ROBO1: variants seen among roughly 807,000 people sequenced by gnomAD.
ROBO1 encodes the protein roundabout guidance receptor 1.
A neutral mutation model predicts 195.9 loss-of-function variants in ROBO1; 149 were observed. The observed-to-expected ratio is 0.76, with a 90% confidence interval of 0.67 to 0.87. The LOEUF is 0.87. ROBO1 is among the 40% of genes least tolerant of loss of function. ROBO1 has a pLI of 0.00. For synonymous variants in ROBO1, 816 were observed against 733.2 expected (o/e 1.11, Z -1.82); for missense variants, 1,933 against 2,068.3 (o/e 0.93, Z 1.27).
At chr3:78,681,104 G>C (rs1275023667) in intron 10 of ROBO1, among the ~76,000 whole-genome samples, 5 of 151,406 alleles carry the variant, frequency 3.3e-5, no homozygotes, top group African/African-American at 4.9e-5. Context: ...AACACCGCAT[G>C]TTCTCACTCA....
At chr3:79,748,463 A>T (rs1703969759) in intron 1 of ROBO1, among the ~76,000 whole-genome samples, 1 of 152,206 alleles carries the variant, frequency 6.6e-6, no homozygotes, top group African/African-American at 2.4e-5. Flanking sequence ...CTCCATACAC[A>T]TTTAAATTAT....
chr3:78,917,244 C>A (rs2038664462), intron 4 of ROBO1, among the ~76,000 whole-genome samples: 1 of 151,556 alleles, frequency 6.6e-6, no homozygotes, highest in Admixed American at 6.6e-5. Context: ...TTATAGGTGC[C>A]CGCCACCACA....
Position 79,322,312 on chromosome 3 carries a change from A to G in ROBO1, c.89-196773T>C, listed in dbSNP as rs567734191. ...TTTCAGATTTAGATGGAGAGTCAAC[A>G]TATGCCATAATTGGAAACCAACAAG... is the stretch of plus-strand genomic sequence containing the variant. On this transcript the variant is annotated intron_variant, in intron 2 of 30. Coordinates refer to ENST00000464233, the MANE Select transcript of ROBO1 (RefSeq NM_002941.4). Among the ~76,000 whole-genome samples the G allele has an allele frequency of 1.2e-3, 177 of 152,344 alleles. No homozygotes were observed. In the Middle Eastern group the frequency reaches 0.014, roughly 12 times the overall value.
intron 2 of ROBO1, among the ~76,000 whole-genome samples, chr3:79,344,589 G>C (rs1178151506): frequency 6.6e-6 from 1 of 152,176 alleles, no homozygotes; most frequent in Admixed American, 6.5e-5. Flanking sequence ...GGGATTACTA[G>C]TGTATAATAT....
intron 1 of ROBO1, among the ~76,000 whole-genome samples, chr3:79,713,020 G>A (rs1362237039): frequency 6.6e-6 from 1 of 151,938 alleles, no homozygotes; most frequent in Non-Finnish European, 1.5e-5. Context: ...TTGGTGTGCT[G>A]CACCCATCAA....
intron 2 of ROBO1, among the ~76,000 whole-genome samples, chr3:79,251,725 G>A (rs1181512348): frequency 2.6e-5 from 4 of 152,126 alleles, no homozygotes; most frequent in African/African-American, 9.7e-5. Flanking sequence ...ACTCCAGCCT[G>A]GGTGACAGAG....
At chr3:78,696,454 C>T (rs1050417482) in intron 8 of ROBO1, among the ~76,000 whole-genome samples, 1 of 152,026 alleles carries the variant, frequency 6.6e-6, no homozygotes, top group Non-Finnish European at 1.5e-5. Context: ...AGGGGGTTCA[C>T]CATAGACTGG....
intron 2 of ROBO1, among the ~76,000 whole-genome samples, chr3:79,475,142 T>A (rs1299548087): frequency 1.4e-5 from 2 of 143,644 alleles, no homozygotes; most frequent in Non-Finnish European, 3.0e-5. Flanking sequence ...ACTCAATTGC[T>A]TTTTTTTTAA....
At position 79,174,622 on chromosome 3, in the gene ROBO1, C is replaced by T. The variant is rs560996123; in HGVS notation, c.89-49083G>A. Among the ~76,000 whole-genome samples, 15 of 152,130 alleles carry T rather than the reference C, an allele frequency of 9.9e-5. No homozygotes were observed. The South Asian group carries it at 2.9e-3, about 30-fold the overall frequency. On this transcript the variant is annotated intron_variant, in intron 2 of 30. Transcript: ENST00000464233. ...AAATAGGAACACGTGGGTTCATTTT[C>T]CTCACAGTGATAGCAAACGGTGAAT... is the stretch of plus-strand genomic sequence containing the variant.
chr3:78,806,567 G>C (rs967747389), intron 4 of ROBO1, among the ~76,000 whole-genome samples: 1 of 152,144 alleles, frequency 6.6e-6, no homozygotes, highest in African/African-American at 2.4e-5. Context: ...GATATGCATA[G>C]GGCCAGATGA....
chr3:79,092,183 C>A, intron 3 of ROBO1, among the ~76,000 whole-genome samples: 1 of 152,152 alleles, frequency 6.6e-6, no homozygotes, highest in Non-Finnish European at 1.5e-5. Flanking sequence ...ACAGGACTTG[C>A]TTTCAGATGG....
intron 1 of ROBO1, among the ~76,000 whole-genome samples, chr3:79,718,995 T>G (rs547615170): frequency 6.6e-6 from 1 of 152,030 alleles, no homozygotes; most frequent in Non-Finnish European, 1.5e-5. Flanking sequence ...TAATAGCCAC[T>G]GCAGCAAGCA....
At chr3:78,913,534 A>T (rs2038377561) in intron 4 of ROBO1, among the ~76,000 whole-genome samples, 1 of 152,166 alleles carries the variant, frequency 6.6e-6, no homozygotes, top group Admixed American at 6.5e-5. Context: ...ATTTTGGATT[A>T]ACTAGAAAGA....
At position 78,626,756 on chromosome 3, in the gene ROBO1, T is replaced by TAC. The variant is rs10608986; in HGVS notation, c.3875+563_3875+564dup. The stretch of plus-strand genomic sequence containing the variant: ...GTCTAAGCACACACAAGCACACACA[T>TAC]ACACACACACACACACACACACACA... On this transcript the variant is annotated intron_variant, in intron 26 of 30. Transcript: ENST00000464233. Among the ~76,000 whole-genome samples, 1,088 of 146,518 alleles carry TAC rather than the reference T, an allele frequency of 7.4e-3. 7 individuals are homozygous for TAC. The highest frequency in any genetic ancestry group is 0.012 in the African/African-American group (480 of 40,466).
chr3:79,053,854 C>T (rs200884289), intron 3 of ROBO1, among the ~76,000 whole-genome samples: 70 of 152,140 alleles, frequency 4.6e-4, no homozygotes, highest in African/African-American at 1.5e-3. Context: ...TGGGCTTATC[C>T]GGTCATGCTA....
chr3:79,443,575 C>A (rs2039132654), intron 2 of ROBO1, among the ~76,000 whole-genome samples: 1 of 152,030 alleles, frequency 6.6e-6, no homozygotes, highest in South Asian at 2.1e-4. Flanking sequence ...AAATATAGCA[C>A]TTTTTGTTAA....
At chr3:78,734,610 G>T (rs1291391893) in intron 5 of ROBO1, among the ~76,000 whole-genome samples, 1 of 147,042 alleles carries the variant, frequency 6.8e-6, no homozygotes, top group Non-Finnish European at 1.5e-5. Flanking sequence ...ATCCATTTGG[G>T]GGAAAAAAAA....
At position 79,748,392 on chromosome 3, in the gene ROBO1, G is replaced by A. The variant is rs374678116; in HGVS notation, c.-51+19360C>T. On this transcript the variant is annotated intron_variant, in intron 1 of 30. Coordinates refer to ENST00000464233, the MANE Select transcript of ROBO1 (RefSeq NM_002941.4). ...ATTTTATTACCTATGTATCAGATGG[G>A]AGAGATTGATTATGGGGCATCTGTA... 1.1e-4 allele frequency among the ~76,000 whole-genome samples: 16 copies of A among 152,280 alleles called. No homozygotes were observed. The South Asian group carries it at 3.3e-3, about 32-fold the overall frequency.
At chr3:79,162,971 CT>C (rs2080999555) in intron 2 of ROBO1, among the ~76,000 whole-genome samples, 3 of 152,066 alleles carry the variant, frequency 2.0e-5, no homozygotes, top group African/African-American at 7.2e-5. Context: ...TCTCCATTAT[CT>C]TGTTTTGTGG....
Sources: allele counts gnomAD v4.1 joint callset (sites outside exome capture counted in the v4.1 genomes callset), GRCh38; gene constraint gnomAD v4.1.1; transcripts MANE v1.5; gene names NCBI Gene and HGNC (gene_info 2026-07-23, HGNC 2026-07-21).